Variants in C4orf50 observed in about 807,000 individuals in gnomAD.
C4orf50 encodes the protein chromosome 4 open reading frame 50.
C4orf50 carries 80 observed loss-of-function variants against 77.2 expected under a neutral mutation model. The observed-to-expected ratio is 1.04, with a 90% CI of 0.87 to 1.25. The LOEUF (loss-of-function observed/expected upper bound fraction) is 1.25. Among genes scored for constraint, C4orf50 ranks in the 50% most tolerant of loss-of-function variants. C4orf50 has a pLI of 0.00. For missense variants in C4orf50, 1,257 were observed against 1,152.9 expected (o/e 1.09, Z -1.31); for synonymous variants, 532 against 465.3 (o/e 1.14, Z -1.84).
rs762934750 is a variant in C4orf50 at position 5,900,757 on chromosome 4, C to T, written c.*2475-2569G>A. On this transcript the variant is annotated intron_variant, in intron 7 of 7. Transcript: ENST00000324058. This position sits in a 1 kb window ranked among gnomAD's most constrained non-coding sequence, Gnocchi z 4.3. ...AACCTCATCTGGGAATCAGTTTCCT[C>T]GCCTGTAAAATGGGGAGGAGAAGGA... 4 of 152,180 alleles carry T rather than the reference C, an allele frequency of 2.6e-5. No homozygotes were observed. Among genetic ancestry groups the T allele is most frequent in the Admixed American group, 6.5e-5 (1 of 15,282 alleles). The allele number at this position is 152,180 out of a possible 1,614,324, so 9.4% of individuals were successfully genotyped here. A position where few individuals can be genotyped will look rare whatever the true frequency, so the allele number is the denominator to read the frequency against.
chr4:6,010,766 T>G (rs550454618), intron 24 of C4orf50, among the ~76,000 whole-genome samples: 1 of 152,350 alleles, frequency 6.6e-6, no homozygotes, highest in East Asian at 1.9e-4. Flanking sequence ...GTTTTGCCTC[T>G]GCAGCCTTTC....
chr4:6,001,625 A>G (rs1721833130), intron 25 of C4orf50, among the ~76,000 whole-genome samples: 1 of 152,216 alleles, frequency 6.6e-6, no homozygotes, highest in Admixed American at 6.5e-5. Flanking sequence ...CTCAACCCAC[A>G]CAGGCTCTGA....
At chr4:5,951,339 A>AGG (rs11399075) in intron 7 of C4orf50, among the ~76,000 whole-genome samples, 76 of 152,038 alleles carry the variant, frequency 5.0e-4, no homozygotes, top group African/African-American at 1.5e-3. Flanking sequence ...GAGGGAATGA[A>AGG]GGGGGGTGGT....
intron 25 of C4orf50, among the ~76,000 whole-genome samples, chr4:5,995,073 A>T (rs1052067522): frequency 1.3e-5 from 2 of 152,128 alleles, no homozygotes; most frequent in African/African-American, 4.8e-5. Context: ...TCTTCCATGA[A>T]ACCAGTCCCT....
intron 28 of C4orf50, among the ~76,000 whole-genome samples, chr4:5,986,986 G>A (rs1215075099): frequency 1.3e-5 from 2 of 152,168 alleles, no homozygotes; most frequent in Non-Finnish European, 2.9e-5. Context: ...TGTGTGGGAT[G>A]CTTAGAGAGA....
intron 7 of C4orf50, among the ~76,000 whole-genome samples, chr4:5,906,039 G>A (rs1716537096): frequency 6.6e-6 from 1 of 152,124 alleles, no homozygotes. Flanking sequence ...GGGTAACAGT[G>A]GAGGCGCGGA....
chr4:5,948,079 G>A (rs1718558200), intron 7 of C4orf50, among the ~76,000 whole-genome samples: 1 of 152,212 alleles, frequency 6.6e-6, no homozygotes, highest in South Asian at 2.1e-4. Flanking sequence ...CCACAGGTCT[G>A]TGACAACCCA....
rs1719646028 is a variant in C4orf50, at chr4:5,967,463, C to G, written c.4105-1G>C. On this transcript the variant is annotated splice_acceptor_variant, in intron 31 of 33. Transcript: ENST00000531445. LOFTEE classifies it high-confidence loss of function. The stretch of plus-strand genomic sequence containing the variant: ...ACTTGACGTCCAGGTGGTGGCTTGT[C>G]TGCAAGAAAAGACATCTTGGCGGTT... The G allele has an allele frequency of 6.2e-7, 1 of 1,613,842 alleles. No individual in the cohort carries two copies. The highest frequency in any genetic ancestry group is 1.3e-5 in the African/African-American group (1 of 74,934).
At chr4:5,953,881 C>G (rs1201595601), downstream of C4orf50, among the ~76,000 whole-genome samples, 1 of 152,228 alleles carries the variant, frequency 6.6e-6, no homozygotes, top group African/African-American at 2.4e-5. Context: ...GCCAGGACGG[C>G]TGAGGCAGCC....
At chr4:5,918,194 A>G (rs1717114033) in intron 7 of C4orf50, among the ~76,000 whole-genome samples, 1 of 152,206 alleles carries the variant, frequency 6.6e-6, no homozygotes, top group Non-Finnish European at 1.5e-5. Context: ...CTCCCACCGC[A>G]GCAGGGATGG....
At chr4:5,915,868 T>A (rs1044855704) in intron 7 of C4orf50, among the ~76,000 whole-genome samples, 2 of 152,212 alleles carry the variant, frequency 1.3e-5, no homozygotes, top group Admixed American at 6.5e-5. Context: ...TACTTCCCTC[T>A]CCTCTTTTTC....
chr4:5,982,887 G>A (rs2108783585), intron 28 of C4orf50, among the ~76,000 whole-genome samples: 2 of 152,212 alleles, frequency 1.3e-5, no homozygotes, highest in South Asian at 4.2e-4. Flanking sequence ...GAAGAATGAG[G>A]GCAGAGGTGG....
Position 5,972,875 on chromosome 4 carries a change from G to T in C4orf50, c.4104+784C>A, listed in dbSNP as rs79808766. Among the ~76,000 whole-genome samples the T allele has an allele frequency of 8.3e-3, 1,269 of 152,336 alleles. 22 individuals carry two copies. Among genetic ancestry groups the T allele is most frequent in the African/African-American group, 0.029 (1,194 of 41,578 alleles). ...CAGGCACGGCTGGGCACCCGTGGGT[G>T]CTGACTGTAGTCAGGAGAGCTGGCA... On this transcript the variant is annotated intron_variant, in intron 31 of 33. Transcript: ENST00000531445.
At chr4:5,989,133 T>G (rs1203851420) in exon 28 of C4orf50, 2 of 1,535,950 alleles carry the variant, frequency 1.3e-6, no homozygotes, top group Non-Finnish European at 1.7e-6. Context: ...GCCTGGATAT[T>G]TTTGTCACCT....
At position 6,011,337 on chromosome 4, in the gene C4orf50, C is replaced by T. The variant is rs763723508; in HGVS notation, c.426+493G>A. On this transcript the variant is annotated intron_variant, in intron 24 of 33. Coordinates refer to ENST00000531445, the Ensembl canonical transcript of C4orf50. The surrounding 1 kb of genome is among the most constrained non-coding windows in gnomAD (Gnocchi z 4.2). The stretch of plus-strand genomic sequence containing the variant: ...TGTGTTCTCCCACACCTCTGTGCTA[C>T]GGCCCCGTGCTGTCAGCCACGCCTC... Among the ~76,000 whole-genome samples, 10 of 152,114 alleles carry T rather than the reference C, an allele frequency of 6.6e-5. No homozygotes were observed. Among genetic ancestry groups the T allele is most frequent in the South Asian group, 2.1e-4 (1 of 4,826 alleles).
At chr4:6,014,636 C>T in intron 23 of C4orf50, among the ~76,000 whole-genome samples, 1 of 152,188 alleles carries the variant, frequency 6.6e-6, no homozygotes, top group Non-Finnish European at 1.5e-5. Flanking sequence ...CAGAATTGTG[C>T]TTTCAGACCC....
chr4:5,945,425 GGCCAGAGT>G (rs1718439536), intron 7 of C4orf50, among the ~76,000 whole-genome samples: 1 of 152,136 alleles, frequency 6.6e-6, no homozygotes, highest in African/African-American at 2.4e-5. Flanking sequence ...TAAGTAGCCC[GGCCAGAGT>G]GCCAGCACCC....
At chr4:5,907,219 T>C (rs1411361751) in intron 7 of C4orf50, among the ~76,000 whole-genome samples, 2 of 152,218 alleles carry the variant, frequency 1.3e-5, no homozygotes, top group Admixed American at 1.3e-4. Context: ...CCCTACATTA[T>C]ACATGATAAC....
chr4:6,003,842 G>A (rs1221064628), intron 25 of C4orf50, among the ~76,000 whole-genome samples: 676 of 48,238 alleles, frequency 0.014, 56 homozygotes, highest in African/African-American at 0.049. Context: ...TGATGTGATA[G>A]TGATGATGGT....
Sources: gnomAD v4.1 joint callset for allele counts (sites outside exome capture counted in the v4.1 genomes callset) on GRCh38, gnomAD v4.1.1 for gene constraint, Gnocchi (gnomAD v3.1) non-coding constraint, MANE v1.5 for transcripts, NCBI Gene and HGNC (gene_info 2026-07-23, HGNC 2026-07-21) for gene names.